The following GPCPD1 variants were observed in gnomAD, a reference collection of about 807,000 sequenced individuals.
GPCPD1 encodes the protein glycerophosphocholine phosphodiesterase 1.
A neutral mutation model predicts 89.2 loss-of-function variants in GPCPD1; 29 were observed. That is an observed-to-expected ratio of 0.33 (90% CI 0.24 to 0.44). The LOEUF is 0.44. Among genes scored for constraint, GPCPD1 ranks in the 20% least tolerant of loss-of-function variants. The pLI, the probability that GPCPD1 is intolerant of heterozygous loss-of-function variation, is 1.00. For synonymous variants in GPCPD1, 258 were observed against 266.3 expected, an observed-to-expected ratio of 0.97 and a Z score of 0.30; for missense variants, 594 against 808.9, an observed-to-expected ratio of 0.73 and a Z score of 3.22.
Position 5,575,525 on chromosome 20 carries a change from G to C in GPCPD1, c.889C>G (p.Pro297Ala). 7.0e-6 allele frequency: 11 copies of C among 1,580,570 alleles called. No homozygotes were observed. Among genetic ancestry groups the C allele is most frequent in the Non-Finnish European group, 9.5e-6 (11 of 1,152,236 alleles). The change falls in exon 10 of 20, where the codon CCA (proline) becomes GCA (alanine). Residue 297 changes from proline (P) to alanine (A), a missense_variant. By Grantham distance (27) the Pro-to-Ala change is conservative. Coordinates refer to ENST00000379019, the MANE Select transcript of GPCPD1 (RefSeq NM_019593.5). Reference sequence around the variant, plus strand: ...ATGTCACAACTGTATCCTGGTAATGGCTTAATAATTATATAGTCAACTTTC... The same window carrying C: ...ATGTCACAACTGTATCCTGGTAATGCCTTAATAATTATATAGTCAACTTTC... ...KVRVDYIIIK[P>A]LPGYSCDMKS... is the part of the protein sequence containing the mutation.
intron 3 of GPCPD1, among the ~76,000 whole-genome samples, chr20:5,595,229 T>C (rs1416090740): frequency 1.3e-5 from 2 of 152,142 alleles, no homozygotes; most frequent in Non-Finnish European, 2.9e-5. Context: ...CAAACCAACA[T>C]GGAACATGTA....
At position 5,604,452 on chromosome 20, in the gene GPCPD1, A is replaced by C; in HGVS notation, c.-28-12T>G. ...TTTATGATGTCGTGCTAGGAAAAAA[A>C]AGAAAAGTAACTTATAGTATAAAAA... On this transcript the variant is annotated splice_polypyrimidine_tract_variant and intron_variant, in intron 1 of 19. Transcript: ENST00000379019. 1 of 1,294,734 alleles carries C rather than the reference A, an allele frequency of 7.7e-7. No individual in the cohort carries two copies. Among genetic ancestry groups the C allele is most frequent in the Non-Finnish European group, 1.1e-6 (1 of 904,810 alleles). The allele number at this position is 1,294,734 out of a possible 1,614,324, so 80.2% of individuals were successfully genotyped here. A position where few individuals can be genotyped will look rare whatever the true frequency, so the allele number is the denominator to read the frequency against.
At chr20:5,551,532 C>T (rs1388417353) in intron 19 of GPCPD1, among the ~76,000 whole-genome samples, 1 of 152,004 alleles carries the variant, frequency 6.6e-6, no homozygotes, top group East Asian at 1.9e-4. Flanking sequence ...ATTAACAAGA[C>T]CACGAAAAGG....
chr20:5,548,297 G>A (rs1253116502), intron 19 of GPCPD1: 1 of 152,098 alleles, frequency 6.6e-6, no homozygotes, highest in African/African-American at 2.4e-5. Context: ...AATAACGTCA[G>A]ACACGTCCAG....
At chr20:5,602,705 C>T (rs1362826971) in intron 2 of GPCPD1, among the ~76,000 whole-genome samples, 1 of 152,176 alleles carries the variant, frequency 6.6e-6, no homozygotes, top group Non-Finnish European at 1.5e-5. Flanking sequence ...TGACCAGGCA[C>T]GGTCTGTAAT....
Position 5,578,520 on chromosome 20 carries a change from A to G in GPCPD1, c.565T>C (p.Ser189Pro), listed in dbSNP as rs1468070392. 2 of 1,613,588 alleles carry G rather than the reference A, an allele frequency of 1.2e-6. No individual in the cohort carries two copies. The highest frequency in any genetic ancestry group is 1.1e-5 in the South Asian group (1 of 91,078). Residue 189 changes from serine (S) to proline (P), a missense_variant, in exon 8 of 20, where the codon TCC becomes CCC. Coordinates refer to ENST00000379019, the MANE Select transcript of GPCPD1 (RefSeq NM_019593.5). ...LHKMSNSLEI[S>P]LISDNEFKCR... Reference sequence around the variant, plus strand: ...TTGAACTCATTGTCGCTTATTAAGGATATCTCCAAGCTATTGGACATTTTG... The same window carrying G: ...TTGAACTCATTGTCGCTTATTAAGGGTATCTCCAAGCTATTGGACATTTTG...
At chr20:5,579,168 C>T (rs181853746) in intron 7 of GPCPD1, among the ~76,000 whole-genome samples, 1 of 151,966 alleles carries the variant, frequency 6.6e-6, no homozygotes, top group Admixed American at 6.5e-5. Flanking sequence ...CTGGGTGACA[C>T]GGCCAGACCC....
intron 6 of GPCPD1, among the ~76,000 whole-genome samples, chr20:5,582,893 GA>G (rs113637716): frequency 0.02 from 2,051 of 101,478 alleles, 37 homozygotes; most frequent in African/African-American, 0.062. Context: ...CATCTCAAAA[GA>G]AAAAAAAAAA....
intron 3 of GPCPD1, among the ~76,000 whole-genome samples, chr20:5,597,070 C>T (rs1420284752): frequency 2.0e-5 from 3 of 151,806 alleles, no homozygotes; most frequent in East Asian, 3.9e-4. Flanking sequence ...ATCTGAAAAT[C>T]GAAGAAAAAA....
chr20:5,567,549 A>G lies in GPCPD1; in HGVS notation c.1161T>C (p.Ala387=), dbSNP rs1044045509. The part of the protein sequence containing the change: ...CCLTMKKKFD[A]DPVELFEIPV... Reference sequence around the variant, plus strand: ...GAATTTCAAATAATTCAACTGGATCAGCATCAAATTTCTAAAAAAAAAAAA... The same window carrying G: ...GAATTTCAAATAATTCAACTGGATCGGCATCAAATTTCTAAAAAAAAAAAA... Residue 387 remains alanine, a synonymous_variant, in exon 13 of 20, where the codon GCT becomes GCC. Coordinates refer to ENST00000379019, the MANE Select transcript of GPCPD1 (RefSeq NM_019593.5). 9 of 1,525,356 alleles carry G rather than the reference A, an allele frequency of 5.9e-6. No individual in the cohort carries two copies. The African/African-American group carries it at 1.4e-4, about 24-fold the overall frequency. The allele number at this position is 1,525,356 out of a possible 1,614,324, so 94.5% of individuals were successfully genotyped here. A position where few individuals can be genotyped will look rare whatever the true frequency, so the allele number is the denominator to read the frequency against.
At chr20:5,565,728 C>T (rs2122607480) in intron 14 of GPCPD1, among the ~76,000 whole-genome samples, 1 of 152,114 alleles carries the variant, frequency 6.6e-6, no homozygotes, top group Non-Finnish European at 1.5e-5. Context: ...TGCTATTTCT[C>T]CAGAGAATTA....
intron 16 of GPCPD1, 83 bp downstream of exon 16, chr20:5,561,382 C>T: frequency 1.4e-6 from 1 of 716,032 alleles, no homozygotes; most frequent in Non-Finnish European, 2.4e-6. Flanking sequence ...TAGCTTATTC[C>T]ATTAAAATAC....
chr20:5,548,887 G>A, intron 19 of GPCPD1: 2 of 1,037,590 alleles, frequency 1.9e-6, no homozygotes, highest in Non-Finnish European at 2.7e-6. Flanking sequence ...CTGTGAAGAG[G>A]AGAAAACAGA....
intron 4 of GPCPD1, among the ~76,000 whole-genome samples, chr20:5,590,347 C>G (rs1378931842): frequency 6.6e-6 from 1 of 151,614 alleles, no homozygotes; most frequent in Non-Finnish European, 1.5e-5. Flanking sequence ...TTGAGACCAG[C>G]CTGGCTAACA....
intron 2 of GPCPD1, among the ~76,000 whole-genome samples, chr20:5,599,539 T>C (rs983033745): frequency 1.1e-4 from 17 of 152,254 alleles, no homozygotes; most frequent in African/African-American, 4.1e-4. Flanking sequence ...CAAAGACTTA[T>C]ATAGTTGGAA....
At chr20:5,609,485 C>G (rs1980811761) in intron 1 of GPCPD1, among the ~76,000 whole-genome samples, 3 of 152,198 alleles carry the variant, frequency 2.0e-5, no homozygotes. Context: ...GATCAACTTT[C>G]TAAACAATGC....
intron 19 of GPCPD1, among the ~76,000 whole-genome samples, chr20:5,554,598 C>T (rs939527434): frequency 1.3e-5 from 2 of 152,174 alleles, no homozygotes; most frequent in South Asian, 2.1e-4. Flanking sequence ...ATAGTTGAGA[C>T]GTACGGCTCA....
At chr20:5,593,575 AG>A (rs11476070) in intron 3 of GPCPD1, among the ~76,000 whole-genome samples, 164 bp from the exon 4 acceptor site, 4,104 of 152,294 alleles carry the variant, frequency 0.027, 193 homozygotes, top group African/African-American at 0.094. Flanking sequence ...ATGGGAACAC[AG>A]GGGTATATAC....
chr20:5,561,236 A>T (rs980926020), intron 16 of GPCPD1, among the ~76,000 whole-genome samples: 5 of 152,230 alleles, frequency 3.3e-5, no homozygotes, highest in Admixed American at 2.6e-4. Flanking sequence ...CACAAGACAC[A>T]TGTAAACTGA....
Sources: allele counts gnomAD v4.1 joint callset (sites outside exome capture counted in the v4.1 genomes callset), GRCh38; gene constraint gnomAD v4.1.1; transcripts MANE v1.5; gene names NCBI Gene and HGNC (gene_info 2026-07-23, HGNC 2026-07-21).